CD58: variants seen among roughly 807,000 people sequenced by gnomAD.
CD58 encodes the protein CD58 molecule.
In CD58, 14 loss-of-function variants were observed where a neutral mutation model predicts 27.6. That is an observed-to-expected ratio of 0.51 (90% CI 0.34 to 0.79). The LOEUF (loss-of-function observed/expected upper bound fraction) is 0.79. CD58 is among the 30% of genes least tolerant of loss of function. The pLI is 0.02. For synonymous variants in CD58, 117 were observed against 103.8 expected, an observed-to-expected ratio of 1.13 and a Z score of -0.77; for missense variants, 268 against 301.7, an observed-to-expected ratio of 0.89 and a Z score of 0.83.
chr1:116,561,109 T>C (rs1290237652), intron 1 of CD58, among the ~76,000 whole-genome samples: 2 of 152,192 alleles, frequency 1.3e-5, no homozygotes, highest in East Asian at 1.9e-4. Flanking sequence ...GAGAAACCAA[T>C]ACCTACCCTC....
At chr1:116,567,238 G>A (rs1335483236) in intron 1 of CD58, among the ~76,000 whole-genome samples, 7 of 124,398 alleles carry the variant, frequency 5.6e-5, no homozygotes, top group Admixed American at 4.7e-4. Flanking sequence ...GGAGGGAAAG[G>A]GAGGGGAGGG....
chr1:116,549,216 T>TA (rs1225124016), intron 1 of CD58, among the ~76,000 whole-genome samples: 1 of 152,176 alleles, frequency 6.6e-6, no homozygotes, highest in African/African-American at 2.4e-5. Context: ...CACAAATAAT[T>TA]AGACAATGCC....
intron 1 of CD58, among the ~76,000 whole-genome samples, chr1:116,553,519 G>A (rs1000943565): frequency 1.3e-5 from 2 of 152,112 alleles, no homozygotes; most frequent in African/African-American, 4.8e-5. Context: ...GGTGCCAGGA[G>A]GGCCAGGATG....
chr1:116,566,169 A>G (rs1658925591), intron 1 of CD58, among the ~76,000 whole-genome samples: 1 of 152,272 alleles, frequency 6.6e-6, no homozygotes, highest in Non-Finnish European at 1.5e-5. Context: ...GAAAAATAAA[A>G]GGAACTGTAA....
rs1458442291 is a variant in CD58, at chr1:116,519,038, G to C, written c.743+193C>G. 2 of 1,258,000 alleles carry C rather than the reference G, an allele frequency of 1.6e-6. No individual in the cohort carries two copies. Among genetic ancestry groups the C allele is most frequent in the Non-Finnish European group, 2.1e-6 (2 of 938,172 alleles). The allele number at this position is 1,258,000 out of a possible 1,614,324, so 77.9% of individuals were successfully genotyped here. The stretch of plus-strand genomic sequence containing the variant: ...AGAGGGTTCCAGGAAACGATATGCA[G>C]AGAGTGGCTAGTGCAGTGCATGGCA... On this transcript the variant is annotated intron_variant, in intron 5 of 5. Transcript: ENST00000369489. This position sits in a 1 kb window ranked among gnomAD's most constrained non-coding sequence, Gnocchi z 4.7.
intron 5 of CD58, chr1:116,518,992 C>A: frequency 9.4e-7 from 1 of 1,059,976 alleles, no homozygotes; most frequent in Non-Finnish European, 1.3e-6. Flanking sequence ...GGGTATGATA[C>A]TCCTCCTGCA....
chr1:116,558,072 T>C (rs1178093541), intron 1 of CD58, among the ~76,000 whole-genome samples: 1 of 150,618 alleles, frequency 6.6e-6, no homozygotes, highest in Non-Finnish European at 1.5e-5. Flanking sequence ...AATTTTAAGA[T>C]ACTTCTCTCT....
In CD58 at chr1:116,534,198, C is replaced by A; in HGVS notation, c.628+1767G>T. 1.7e-6 allele frequency: 1 copy of A among 572,794 alleles called. No individual in the cohort carries two copies. Among genetic ancestry groups the A allele is most frequent in the East Asian group, 3.6e-5 (1 of 27,582 alleles). 35.5% of individuals were successfully genotyped at this position (572,794 alleles called of 1,614,324 possible). A position where few individuals can be genotyped will look rare whatever the true frequency, so the allele number is the denominator to read the frequency against. On this transcript the variant is annotated intron_variant, in intron 3 of 5. Coordinates refer to ENST00000369489, the MANE Select transcript of CD58 (RefSeq NM_001779.3). This position sits in a 1 kb window ranked among gnomAD's most constrained non-coding sequence, Gnocchi z 5.3. ...GCACACGCCGCCCATCTGGCTCGCACCGCACAGCTCCCAACAGCTGAGATG... is the reference window on the plus strand; with the variant it reads ...GCACACGCCGCCCATCTGGCTCGCAACGCACAGCTCCCAACAGCTGAGATG...
chr1:116,529,640 T>C (rs1657532893), intron 3 of CD58, among the ~76,000 whole-genome samples: 1 of 152,238 alleles, frequency 6.6e-6, no homozygotes, highest in Non-Finnish European at 1.5e-5. Flanking sequence ...TCCTCCTTTA[T>C]AAATACCCAC....
Position 116,544,541 on chromosome 1 carries a change from A to G in CD58, c.134T>C (p.Val45Ala), listed in dbSNP as rs760710715. ...GVVYGNVTFH[V>A]PSNVPLKEVL... is the part of the protein sequence containing the mutation. ...CTCTTTTAAAGGCACATTGCTTGGTACATGGAAAGTTACATTCCCATACAC... is the reference window on the plus strand; with the variant it reads ...CTCTTTTAAAGGCACATTGCTTGGTGCATGGAAAGTTACATTCCCATACAC... The change falls in exon 2 of 6, where the codon GTA (valine) becomes GCA (alanine). Residue 45 changes from valine to alanine, a missense_variant. Physicochemically the swap from Val to Ala is moderately conservative, Grantham distance 64. Transcript: ENST00000369489. 1 of 1,613,262 alleles carries G rather than the reference A, an allele frequency of 6.2e-7. No homozygotes were observed. The highest frequency in any genetic ancestry group is 2.2e-5 in the East Asian group (1 of 44,862).
chr1:116,526,558 T>C (rs995985150), intron 3 of CD58, among the ~76,000 whole-genome samples: 2 of 152,222 alleles, frequency 1.3e-5, no homozygotes, highest in African/African-American at 4.8e-5. Flanking sequence ...TGTCTTTTAT[T>C]TTTCCACCAG....
In CD58 at chr1:116,519,443, A is replaced by C; in HGVS notation, c.707-176T>G. On this transcript the variant is annotated intron_variant, in intron 4 of 5. Coordinates refer to ENST00000369489, the MANE Select transcript of CD58 (RefSeq NM_001779.3). The surrounding 1 kb of genome is among the most constrained non-coding windows in gnomAD (Gnocchi z 4.7). ...TCAAATCGGCTACAGAGCTGGTCCAAAGAGTTGTTCAAAAATTGGTCAGAA... is the reference window on the plus strand; with the variant it reads ...TCAAATCGGCTACAGAGCTGGTCCACAGAGTTGTTCAAAAATTGGTCAGAA... The C allele has an allele frequency of 1.5e-6, 1 of 662,210 alleles. No individual in the cohort carries two copies. Among genetic ancestry groups the C allele is most frequent in the Non-Finnish European group, 2.7e-6 (1 of 375,706 alleles). The allele number at this position is 662,210 out of a possible 1,614,324, so 41.0% of individuals were successfully genotyped here.
chr1:116,529,904 A>T (rs557031879), intron 3 of CD58, among the ~76,000 whole-genome samples: 5 of 152,358 alleles, frequency 3.3e-5, no homozygotes, highest in African/African-American at 1.2e-4. Flanking sequence ...TAAAATGATG[A>T]CAAACCACAA....
In CD58 at chr1:116,532,253, C is replaced by T. The variant is rs1410538420; in HGVS notation, c.628+3712G>A. 6.6e-6 allele frequency among the ~76,000 whole-genome samples: 1 copy of T among 152,136 alleles called. No homozygotes were observed. Among genetic ancestry groups the T allele is most frequent in the Non-Finnish European group, 1.5e-5 (1 of 68,028 alleles). ...CAGGGTGGTTCAGAAATGGCAAGGA[C>T]GAGCGACAGCAAAAGGCCGCAGTCC... On this transcript the variant is annotated intron_variant, in intron 3 of 5. Coordinates refer to ENST00000369489, the MANE Select transcript of CD58 (RefSeq NM_001779.3). This position sits in a 1 kb window ranked among gnomAD's most constrained non-coding sequence, Gnocchi z 5.1.
At position 116,535,569 on chromosome 1, in the gene CD58, C is replaced by T. The variant is rs749738119; in HGVS notation, c.628+396G>A. On this transcript the variant is annotated intron_variant, in intron 3 of 5. Coordinates refer to ENST00000369489, the MANE Select transcript of CD58 (RefSeq NM_001779.3). ...AAAATTGTAACTTGTTGGCCGGGCG[C>T]GGTGGCTCACGCCTGTAATCCCAGC... 2.1e-4 allele frequency among the ~76,000 whole-genome samples: 21 copies of T among 98,158 alleles called. 4 individuals carry two copies. Among genetic ancestry groups the T allele is most frequent in the African/African-American group, 9.7e-4 (19 of 19,680 alleles). The allele number at this position is 98,158 out of a possible 152,430, so 64.4% of individuals were successfully genotyped here. A position where few individuals can be genotyped will look rare whatever the true frequency, so the allele number is the denominator to read the frequency against.
At chr1:116,549,844 C>A (rs775798476) in intron 1 of CD58, among the ~76,000 whole-genome samples, 14 of 152,016 alleles carry the variant, frequency 9.2e-5, no homozygotes, top group East Asian at 3.9e-4. Context: ...TTGAAGATAC[C>A]GTGGGTTTGG....
rs1052753930 is a variant in CD58, at chr1:116,532,989, C to T, written c.628+2976G>A. On this transcript the variant is annotated intron_variant, in intron 3 of 5. Transcript: ENST00000369489. This position sits in a 1 kb window ranked among gnomAD's most constrained non-coding sequence, Gnocchi z 5.1. ...CTGGGTTCCTTGTTGGGATTAATTT[C>T]CACCTCATCCTCATCTTCTCCCTCC... 1 of 798,538 alleles carries T rather than the reference C, an allele frequency of 1.3e-6. No individual in the cohort carries two copies. The highest frequency in any genetic ancestry group is 1.4e-5 in the South Asian group (1 of 70,694). The allele number at this position is 798,538 out of a possible 1,614,324, so 49.5% of individuals were successfully genotyped here. A position where few individuals can be genotyped will look rare whatever the true frequency, so the allele number is the denominator to read the frequency against.
chr1:116,570,894 T>C lies in CD58; in HGVS notation c.70+9A>G. ...CCGGCGCGGGGCCCCTGGGGCAGGCTTCACTCACCAAAGCAGTGCAGCAGG... is the reference window on the plus strand; with the variant it reads ...CCGGCGCGGGGCCCCTGGGGCAGGCCTCACTCACCAAAGCAGTGCAGCAGG... On this transcript the variant is annotated intron_variant, in intron 1 of 5. Coordinates refer to ENST00000369489, the MANE Select transcript of CD58 (RefSeq NM_001779.3). The surrounding 1 kb of genome is among the most constrained non-coding windows in gnomAD (Gnocchi z 6.4). 1 of 1,552,358 alleles carries C rather than the reference T, an allele frequency of 6.4e-7. No homozygotes were observed.
intron 2 of CD58, among the ~76,000 whole-genome samples, chr1:116,542,888 G>A (rs1658037010): frequency 6.6e-6 from 1 of 152,198 alleles, no homozygotes; most frequent in Admixed American, 6.5e-5. Flanking sequence ...ATTCTCCTTA[G>A]TGAAATAAGA....
Sources: allele counts gnomAD v4.1 joint callset (sites outside exome capture counted in the v4.1 genomes callset), GRCh38; gene constraint gnomAD v4.1.1; non-coding constraint Gnocchi (gnomAD v3.1); transcripts MANE v1.5; gene names NCBI Gene and HGNC (gene_info 2026-07-23, HGNC 2026-07-21).